Variants in SLC12A1 observed in about 807,000 individuals in gnomAD.
The protein encoded by SLC12A1 is Na-K-2Cl cotransporter.
SLC12A1 carries 89 observed loss-of-function variants against 130.4 expected under a neutral mutation model. That is an observed-to-expected ratio of 0.68 (90% CI 0.58 to 0.81). The LOEUF is 0.81. Among genes scored for constraint, SLC12A1 ranks in the 40% least tolerant of loss-of-function variants. SLC12A1 has a pLI of 0.00. For missense variants in SLC12A1, 1,310 were observed against 1,336.4 expected, an observed-to-expected ratio of 0.98 and a Z score of 0.31; for synonymous variants, 499 against 460.0, an observed-to-expected ratio of 1.08 and a Z score of -1.09.
At chr15:48,227,258 A>C in intron 5 of SLC12A1, 1 of 1,009,992 alleles carries the variant, frequency 9.9e-7, no homozygotes, top group South Asian at 1.4e-5. Flanking sequence ...TGAAAGTAAC[A>C]TATTGCTAAT....
chr15:48,229,438 A>C, intron 6 of SLC12A1, 110 bp downstream of exon 6: 1 of 1,077,834 alleles, frequency 9.3e-7, no homozygotes. Context: ...AAAAAGTTAA[A>C]TATAGTGGAA....
intron 6 of SLC12A1, among the ~76,000 whole-genome samples, chr15:48,229,878 A>G (rs750001647): frequency 2.6e-5 from 4 of 152,208 alleles, no homozygotes; most frequent in Non-Finnish European, 4.4e-5. Context: ...GATAGCATTC[A>G]CTGAATTCAA....
intron 10 of SLC12A1, among the ~76,000 whole-genome samples, chr15:48,244,116 C>G (rs1439109594): frequency 6.6e-6 from 1 of 152,114 alleles, no homozygotes; most frequent in African/African-American, 2.4e-5. Flanking sequence ...ATGACAGATA[C>G]ACTCAAATGT....
rs1200919945 is a variant in SLC12A1 at position 48,291,899 on chromosome 15, A to G, written c.2960+35A>G. On this transcript the variant is annotated intron_variant, in intron 24 of 26. Coordinates refer to ENST00000380993, the MANE Select transcript of SLC12A1 (RefSeq NM_000338.3). The stretch of plus-strand genomic sequence containing the variant: ...ATTTAACAAGAGACATTGATTACCC[A>G]TGGTACTCTCTCATTCTCTTTTGTG... The G allele has an allele frequency of 4.0e-6, 5 of 1,238,354 alleles. No homozygotes were observed. In the African/African-American group the frequency reaches 7.5e-5, roughly 19 times the overall value. 76.7% of individuals were successfully genotyped at this position (1,238,354 alleles called of 1,614,324 possible).
In SLC12A1 at chr15:48,298,693, C is replaced by T. The variant is rs569622094; in HGVS notation, c.2961-447C>T. On this transcript the variant is annotated intron_variant, in intron 24 of 26. Coordinates refer to ENST00000380993, the MANE Select transcript of SLC12A1 (RefSeq NM_000338.3). ...CATGTGGACTAAGGGTGAGGGTAGCCATATCCATTTCCTACATTAATTGAT... is the reference window on the plus strand; with the variant it reads ...CATGTGGACTAAGGGTGAGGGTAGCTATATCCATTTCCTACATTAATTGAT... Among the ~76,000 whole-genome samples, 3 of 152,286 alleles carry T rather than the reference C, an allele frequency of 2.0e-5. No homozygotes were observed. The East Asian group carries it at 5.8e-4, about 29-fold the overall frequency.
chr15:48,243,847 G>A (rs796957239), intron 10 of SLC12A1, among the ~76,000 whole-genome samples: 17 of 152,256 alleles, frequency 1.1e-4, no homozygotes, highest in African/African-American at 4.1e-4. Flanking sequence ...AGTTTTATTG[G>A]TTGGTATTTA....
intron 1 of SLC12A1, among the ~76,000 whole-genome samples, chr15:48,206,831 A>T (rs1462903569): frequency 6.6e-6 from 1 of 152,144 alleles, no homozygotes; most frequent in Non-Finnish European, 1.5e-5. Flanking sequence ...TATTTCTTAT[A>T]GATATATGAC....
intron 6 of SLC12A1, 94 bp downstream of exon 6, chr15:48,229,422 A>G (rs2047705205): frequency 8.0e-7 from 1 of 1,251,100 alleles, no homozygotes. Context: ...CAGCTAAATG[A>G]GAGGAAAAAA....
intron 1 of SLC12A1, 99 bp from the exon 2 acceptor site, chr15:48,207,435 T>C (rs2040994907): frequency 4.6e-6 from 1 of 217,416 alleles, no homozygotes. Flanking sequence ...AGTTTAAAAT[T>C]GTATGTCTTG....
At chr15:48,225,328 T>C (rs2041270803) in intron 4 of SLC12A1, 1 of 152,202 alleles carries the variant, frequency 6.6e-6, no homozygotes. Context: ...CAAATGTACA[T>C]AAAAAGATAG....
At chr15:48,288,967 G>A (rs2042088627) in intron 23 of SLC12A1, among the ~76,000 whole-genome samples, 2 of 152,030 alleles carry the variant, frequency 1.3e-5, no homozygotes, top group South Asian at 2.1e-4. Context: ...ACTGCACCTG[G>A]GTTCTAGCCC....
chr15:48,227,170 A>G, intron 5 of SLC12A1: 2 of 1,545,464 alleles, frequency 1.3e-6, no homozygotes, highest in Non-Finnish European at 1.8e-6. Flanking sequence ...GAGTAGTAAG[A>G]GGAGGTAAGC....
At chr15:48,270,155 G>A (rs182280748) in intron 19 of SLC12A1, among the ~76,000 whole-genome samples, 1 of 152,166 alleles carries the variant, frequency 6.6e-6, no homozygotes, top group Non-Finnish European at 1.5e-5. Context: ...CTGATAATTC[G>A]TTCACTATCC....
intron 24 of SLC12A1, among the ~76,000 whole-genome samples, chr15:48,295,297 C>G (rs145124691): frequency 9.2e-5 from 14 of 152,166 alleles, no homozygotes; most frequent in African/African-American, 3.4e-4. Context: ...TTAATTTGTC[C>G]CTATATTTCT....
Position 48,221,191 on chromosome 15 carries a change from T to C in SLC12A1, c.628+195T>C, listed in dbSNP as rs1297800687. The C allele has an allele frequency of 6.1e-6, 4 of 655,122 alleles. No individual in the cohort carries two copies. The Admixed American group carries it at 9.3e-5, about 15-fold the overall frequency. The allele number at this position is 655,122 out of a possible 1,614,324, so 40.6% of individuals were successfully genotyped here. Reference sequence around the variant, plus strand: ...GAGTTAACTCCTATGAAACTGGAATTTTCCAGCTTGCCAAACAGGTGAATG... The same window carrying C: ...GAGTTAACTCCTATGAAACTGGAATCTTCCAGCTTGCCAAACAGGTGAATG... On this transcript the variant is annotated intron_variant, in intron 4 of 26. Transcript: ENST00000380993.
At chr15:48,290,605 T>C (rs1209209380) in intron 23 of SLC12A1, among the ~76,000 whole-genome samples, 3 of 152,202 alleles carry the variant, frequency 2.0e-5, no homozygotes, top group Admixed American at 6.5e-5. Flanking sequence ...CACTAGGTGA[T>C]AGGAATTTTT....
chr15:48,252,344 T>C (rs1213168066), intron 15 of SLC12A1, among the ~76,000 whole-genome samples: 1 of 152,176 alleles, frequency 6.6e-6, no homozygotes, highest in Non-Finnish European at 1.5e-5. Flanking sequence ...GTTGACTACT[T>C]GCCAAAGTAA....
intron 21 of SLC12A1, among the ~76,000 whole-genome samples, chr15:48,287,268 G>A (rs2042069026): frequency 6.6e-6 from 1 of 152,084 alleles, no homozygotes; most frequent in Non-Finnish European, 1.5e-5. Flanking sequence ...ATCCATGTTA[G>A]GGTAGAAATC....
chr15:48,294,245 G>A (rs58558122), intron 24 of SLC12A1, among the ~76,000 whole-genome samples: 47,774 of 150,268 alleles, frequency 0.32, 9,781 homozygotes, highest in African/African-American at 0.56. Flanking sequence ...CTACTCTGGA[G>A]GCTGAGGCAG....
Sources: gnomAD v4.1 joint callset for allele counts (sites outside exome capture counted in the v4.1 genomes callset) on GRCh38, gnomAD v4.1.1 for gene constraint, MANE v1.5 for transcripts, NCBI Gene and HGNC (gene_info 2026-07-23, HGNC 2026-07-21) for gene names.